The following CAND2 variants were observed in gnomAD, a reference collection of about 807,000 sequenced individuals.
The protein encoded by CAND2 is cullin associated and neddylation dissociated 2 (putative), also known as cullin-associated NEDD8-dissociated protein 2.
Under a neutral mutation model 98.9 loss-of-function variants are expected in CAND2, and 62 were observed. The ratio of observed to expected loss-of-function variants is 0.63; its 90% CI spans 0.51 to 0.77. CAND2 has a LOEUF of 0.77. CAND2 is among the 30% of genes least tolerant of loss of function. The pLI, the probability that CAND2 is intolerant of heterozygous loss-of-function variation, is 0.00. For missense variants in CAND2, 1,501 were observed against 1,655.2 expected (o/e 0.91, Z 1.62); for synonymous variants, 770 against 731.9 (o/e 1.05, Z -0.84).
In CAND2 at chr3:12,821,175, A is replaced by G. The variant is rs1433919546; in HGVS notation, c.3040+994A>G. 2.6e-5 allele frequency among the ~76,000 whole-genome samples: 4 copies of G among 151,924 alleles called. 1 individual carries two copies. The highest frequency in any genetic ancestry group is 9.7e-5 in the African/African-American group (4 of 41,370). On this transcript the variant is annotated intron_variant, in intron 11 of 14. Coordinates refer to ENST00000456430, the MANE Select transcript of CAND2 (RefSeq NM_001162499.2). ...CTTGATCCCGGGAGGTGAAGGTTGC[A>G]GTGAGCGGAGATTGCACCACTGCAC... is the stretch of plus-strand genomic sequence containing the variant.
At position 12,816,139 on chromosome 3, in the gene CAND2, T is replaced by A. The variant is rs1410053565; in HGVS notation, c.1441+131T>A. 9 of 968,288 alleles carry A rather than the reference T, an allele frequency of 9.3e-6. No homozygotes were observed. In the African/African-American group the frequency reaches 1.3e-4, roughly 14 times the overall value. The allele number at this position is 968,288 out of a possible 1,614,324, so 60.0% of individuals were successfully genotyped here. On this transcript the variant is annotated intron_variant, in intron 9 of 14. Coordinates refer to ENST00000456430, the MANE Select transcript of CAND2 (RefSeq NM_001162499.2). ...CCCAGGCTCAGTCCCTGGTCAAGAGTCTCCAGTGGCCTCCCACTACCAGCA... is the reference window on the plus strand; with the variant it reads ...CCCAGGCTCAGTCCCTGGTCAAGAGACTCCAGTGGCCTCCCACTACCAGCA...
chr3:12,802,643 C>G (rs887472913), intron 1 of CAND2, among the ~76,000 whole-genome samples: 12 of 152,372 alleles, frequency 7.9e-5, no homozygotes, highest in African/African-American at 2.6e-4. Context: ...CAGTTGGTGT[C>G]ACACATATGT....
In CAND2 at chr3:12,817,997, C is replaced by G. The variant is rs1240143815; in HGVS notation, c.2944+121C>G. Reference sequence around the variant, plus strand: ...TCACTGGATACAAGAATCACGGTATCTATACGACAGAGGCAAGGAAGCTAC... The same window carrying G: ...TCACTGGATACAAGAATCACGGTATGTATACGACAGAGGCAAGGAAGCTAC... On this transcript the variant is annotated intron_variant, in intron 10 of 14. Transcript: ENST00000456430. 27 of 912,548 alleles carry G rather than the reference C, an allele frequency of 3.0e-5. No homozygotes were observed. The East Asian group carries it at 7.4e-4, about 25-fold the overall frequency. The allele number at this position is 912,548 out of a possible 1,614,324, so 56.5% of individuals were successfully genotyped here. A position where few individuals can be genotyped will look rare whatever the true frequency, so the allele number is the denominator to read the frequency against.
chr3:12,833,383 A>C (rs1314410552), intron 14 of CAND2, among the ~76,000 whole-genome samples: 2 of 152,172 alleles, frequency 1.3e-5, no homozygotes, highest in African/African-American at 4.8e-5. Flanking sequence ...ATATGGTGCT[A>C]AGAGCTGGTT....
chr3:12,810,340 GC>G lies in CAND2; in HGVS notation c.757+17del. On this transcript the variant is annotated intron_variant, in intron 5 of 14. Coordinates refer to ENST00000456430, the MANE Select transcript of CAND2 (RefSeq NM_001162499.2). ...CACCGCCTCGGTAAGGGGGCAGGGGGCGGGGCCTGGGCTGGCATGGTGGGCG... is the reference window on the plus strand; with the variant it reads ...CACCGCCTCGGTAAGGGGGCAGGGGGGGGGCCTGGGCTGGCATGGTGGGCG... 1 of 1,429,186 alleles carries G rather than the reference GC, an allele frequency of 7.0e-7. No individual in the cohort carries two copies. The highest frequency in any genetic ancestry group is 1.5e-5 in the South Asian group (1 of 67,952). The allele number at this position is 1,429,186 out of a possible 1,614,324, so 88.5% of individuals were successfully genotyped here.
In CAND2 at chr3:12,833,924, A is replaced by G; in HGVS notation, c.3653A>G (p.Glu1218Gly). Residue 1218 changes from glutamate (E) to glycine (G), a missense_variant, in exon 15 of 15, where the codon GAA (glutamate) becomes GGA (glycine). Physicochemically the swap from Glu to Gly is moderately conservative, Grantham distance 98. Coordinates refer to ENST00000456430, the MANE Select transcript of CAND2 (RefSeq NM_001162499.2). ...RSNPELAALFESIQKDSASAP... is the reference protein window; with the variant it reads ...RSNPELAALFGSIQKDSASAP... ...AACCCTGAACTTGCTGCCCTCTTTG[A>G]AAGCATCCAGAAGGATTCCGCTTCA... 6.2e-7 allele frequency: 1 copy of G among 1,614,188 alleles called. No individual in the cohort carries two copies. The highest frequency in any genetic ancestry group is 8.5e-7 in the Non-Finnish European group (1 of 1,180,030).
At chr3:12,798,693 A>C (rs1449333366) in intron 1 of CAND2, among the ~76,000 whole-genome samples, 1 of 152,208 alleles carries the variant, frequency 6.6e-6, no homozygotes, top group Non-Finnish European at 1.5e-5. Context: ...TGGCCCTGCC[A>C]GCTACAGCCC....
intron 9 of CAND2, 90 bp downstream of exon 9, chr3:12,816,098 C>T: frequency 7.6e-7 from 1 of 1,316,732 alleles, no homozygotes; most frequent in Non-Finnish European, 1.1e-6. Context: ...GTTCCTGAGA[C>T]AGTCTGAGAC....
chr3:12,831,577 G>T lies in CAND2; in HGVS notation c.3483+5G>T. ...AGGGCCACCTGCACTGCCAAGGTAA[G>T]TCCCTGGCCCAGCCCTAGCCCAGGC... On this transcript the variant is annotated splice_donor_5th_base_variant and intron_variant, in intron 14 of 14. Transcript: ENST00000456430. 1 of 1,603,384 alleles carries T rather than the reference G, an allele frequency of 6.2e-7. No individual in the cohort carries two copies. The highest frequency in any genetic ancestry group is 8.5e-7 in the Non-Finnish European group (1 of 1,172,670).
Position 12,817,378 on chromosome 3 carries a change from C to T in CAND2, c.2446C>T (p.Pro816Ser). The stretch of plus-strand genomic sequence containing the variant: ...TGTGGCAGCCCTCTCAGCTGCCTGT[C>T]CCCAAGAGGCGGCAAGCACAGCCAG... ...RCVAALSAAC[P>S]QEAASTASRL... Residue 816 changes from proline to serine, a missense_variant, in exon 10 of 15, where the codon CCC (proline) becomes TCC (serine). By Grantham distance (74) the Pro-to-Ser change is moderately conservative. This residue lies in a region of CAND2 where 1,427 missense variants were observed against 1,545.3 expected (regional missense o/e 0.92). Transcript: ENST00000456430. 1.2e-6 allele frequency: 2 copies of T among 1,613,842 alleles called. No homozygotes were observed. The highest frequency in any genetic ancestry group is 1.7e-6 in the Non-Finnish European group (2 of 1,180,032).
rs1459913420 is a variant in CAND2, at chr3:12,804,822, G to A, written c.212+1191G>A. On this transcript the variant is annotated intron_variant, in intron 2 of 14. Coordinates refer to ENST00000456430, the MANE Select transcript of CAND2 (RefSeq NM_001162499.2). ...AGCTGGGTCCAGGCATTCTTCTGGG[G>A]CATGTTAATGAATTTGCAATGTGAT... is the stretch of plus-strand genomic sequence containing the variant. Among the ~76,000 whole-genome samples, 3 of 152,252 alleles carry A rather than the reference G, an allele frequency of 2.0e-5. No homozygotes were observed. In the East Asian group the frequency reaches 5.8e-4, roughly 29 times the overall value.
Position 12,813,048 on chromosome 3 carries a change from T to A in CAND2, c.816T>A (p.Asp272Glu), listed in dbSNP as rs1024654067. ...LVEDFCNLDD[D>E]ELRESCLQAF... ...AGGATTTCTGCAACCTGGATGATGA[T>A]GAGCTCCGGGAGTCCTGCCTCCAGG... is the stretch of plus-strand genomic sequence containing the variant. Residue 272 changes from aspartate to glutamate, a missense_variant, in exon 6 of 15, where the codon GAT becomes GAA. Asp to Glu is a conservative substitution (Grantham distance 45). Transcript: ENST00000456430. 1 of 1,584,344 alleles carries A rather than the reference T, an allele frequency of 6.3e-7. No homozygotes were observed. Among genetic ancestry groups the A allele is most frequent in the African/African-American group, 1.3e-5 (1 of 74,744 alleles).
chr3:12,831,737 G>T (rs2062055465), intron 14 of CAND2, among the ~76,000 whole-genome samples, 165 bp downstream of exon 14: 1 of 152,212 alleles, frequency 6.6e-6, no homozygotes, highest in South Asian at 2.1e-4. Context: ...TATTATCATT[G>T]TATACACAGG....
intron 9 of CAND2, 87 bp downstream of exon 9, chr3:12,816,095 A>G: frequency 7.6e-7 from 1 of 1,315,470 alleles, no homozygotes; most frequent in Non-Finnish European, 1.1e-6. Context: ...CCAGTTCCTG[A>G]GACAGTCTGA....
intron 11 of CAND2, 80 bp downstream of exon 11, chr3:12,820,261 A>C: frequency 9.1e-7 from 1 of 1,094,250 alleles, no homozygotes; most frequent in East Asian, 2.5e-5. Context: ...TTTACTACCC[A>C]ATAGCCAAGG....
chr3:12,806,280 C>T (rs1002757106), intron 2 of CAND2, among the ~76,000 whole-genome samples: 1 of 152,168 alleles, frequency 6.6e-6, no homozygotes, highest in African/African-American at 2.4e-5. Context: ...TGTATTCCAG[C>T]CTGGGCAACA....
At chr3:12,802,155 A>G (rs776170863) in intron 1 of CAND2, among the ~76,000 whole-genome samples, 17 of 152,202 alleles carry the variant, frequency 1.1e-4, no homozygotes, top group East Asian at 1.9e-4. Flanking sequence ...GTGAAACCCC[A>G]CCTCTACTAA....
intron 2 of CAND2, among the ~76,000 whole-genome samples, chr3:12,803,861 G>A (rs1389778790): frequency 6.6e-6 from 1 of 152,122 alleles, no homozygotes; most frequent in Non-Finnish European, 1.5e-5. Flanking sequence ...GGGAAGTGAG[G>A]CAGGAAAGGG....
intron 13 of CAND2, among the ~76,000 whole-genome samples, chr3:12,829,713 A>G (rs942503733): frequency 9.2e-5 from 14 of 152,196 alleles, no homozygotes; most frequent in Admixed American, 2.0e-4. Context: ...GCCAAGGTCA[A>G]TGTGAGAGGT....
Sources: allele counts gnomAD v4.1 joint callset (sites outside exome capture counted in the v4.1 genomes callset), GRCh38; gene constraint gnomAD v4.1.1; regional missense constraint gnomAD v4.1.1; transcripts MANE v1.5; gene names NCBI Gene and HGNC (gene_info 2026-07-23, HGNC 2026-07-21).